The following PPP2R5D variants were observed in gnomAD, a reference collection of about 807,000 sequenced individuals.
PPP2R5D encodes serine/threonine-protein phosphatase 2A 56 kDa regulatory subunit delta isoform.
In PPP2R5D, 12 loss-of-function variants were observed where a neutral mutation model predicts 79.1. That is an observed-to-expected ratio of 0.15 (90% CI 0.10 to 0.25). PPP2R5D has a LOEUF of 0.25. Ranked by LOEUF, PPP2R5D falls within the 10% of genes least tolerant of loss-of-function variation. The pLI, the probability that PPP2R5D is intolerant of heterozygous loss-of-function variation, is 1.00. For synonymous variants in PPP2R5D, 277 were observed against 286.6 expected (o/e 0.97, Z 0.34); for missense variants, 419 against 760.2 (o/e 0.55, Z 5.28).
At chr6:42,998,008 G>A (rs1420460246) in intron 2 of PPP2R5D, among the ~76,000 whole-genome samples, 1 of 71,650 alleles carries the variant, frequency 1.4e-5, no homozygotes, top group African/African-American at 5.2e-5. Flanking sequence ...GAATATTTGG[G>A]TTTTATTTAT....
chr6:43,008,134 G>T lies in PPP2R5D; in HGVS notation c.858-67G>T. The T allele has an allele frequency of 1.9e-6, 3 of 1,613,814 alleles. No homozygotes were observed. Among genetic ancestry groups the T allele is most frequent in the East Asian group, 4.5e-5 (2 of 44,872 alleles). On this transcript the variant is annotated intron_variant, in intron 7 of 15. Coordinates refer to ENST00000485511, the MANE Select transcript of PPP2R5D (RefSeq NM_006245.4). The surrounding 1 kb of genome is among the most constrained non-coding windows in gnomAD (Gnocchi z 4.2). ...TGAGGTGGGGTGGGAGCAGGGAGGT[G>T]GGGGGACTGTACAGAATGCTGGAGG...
At chr6:42,998,011 T>TAATATATATATATATATATA (rs1189100610) in intron 2 of PPP2R5D, among the ~76,000 whole-genome samples, 2 of 72,590 alleles carry the variant, frequency 2.8e-5, no homozygotes, top group African/African-American at 1.7e-4. Flanking sequence ...TATTTGGGTT[T>TAATATATATATATATATATA]TATTTATATA....
rs1050417805 is a variant in PPP2R5D, at chr6:43,006,780, C to T, written c.322+101C>T. On this transcript the variant is annotated intron_variant, in intron 3 of 15. Transcript: ENST00000485511. This position sits in a 1 kb window ranked among gnomAD's most constrained non-coding sequence, Gnocchi z 4.7. ...GGGTATTTTGCGGGGAAGGGAGTTCCAGAGAATGCGGGAAGGGGGTGCCAG... is the reference window on the plus strand; with the variant it reads ...GGGTATTTTGCGGGGAAGGGAGTTCTAGAGAATGCGGGAAGGGGGTGCCAG... The T allele has an allele frequency of 1.9e-6, 3 of 1,574,162 alleles. No individual in the cohort carries two copies. The highest frequency in any genetic ancestry group is 2.7e-5 in the African/African-American group (2 of 74,042).
In PPP2R5D at chr6:42,986,869, G is replaced by A. The variant is rs771712620; in HGVS notation, c.27+2165G>A. On this transcript the variant is annotated intron_variant, in intron 1 of 15. Coordinates refer to ENST00000485511, the MANE Select transcript of PPP2R5D (RefSeq NM_006245.4). ...GAAAGGGTGTTGGAAGTAACGGGGT[G>A]CATGGAGCCAGGCATAACTCTCACC... 2.0e-5 allele frequency among the ~76,000 whole-genome samples: 3 copies of A among 151,884 alleles called. No individual in the cohort carries two copies. The Admixed American group carries it at 2.0e-4, about 10-fold the overall frequency.
At chr6:42,995,536 C>T (rs1044680412) in intron 2 of PPP2R5D, among the ~76,000 whole-genome samples, 1 of 150,034 alleles carries the variant, frequency 6.7e-6, no homozygotes, top group Non-Finnish European at 1.5e-5. Flanking sequence ...TCTTTTTTTG[C>T]CTATTAAACT....
intron 1 of PPP2R5D, among the ~76,000 whole-genome samples, chr6:42,988,158 TC>T (rs1370285935): frequency 6.6e-6 from 1 of 152,166 alleles, no homozygotes; most frequent in Non-Finnish European, 1.5e-5. Flanking sequence ...CACAGAGCTC[TC>T]TTCTCCCTGA....
intron 2 of PPP2R5D, among the ~76,000 whole-genome samples, chr6:42,998,471 G>C (rs544428530): frequency 6.6e-6 from 1 of 152,098 alleles, no homozygotes; most frequent in Admixed American, 6.6e-5. Context: ...TATGAGTGTC[G>C]TGTGGAAATT....
Position 43,010,263 on chromosome 6 carries a change from G to A in PPP2R5D, c.1380-205G>A, listed in dbSNP as rs536918107. 6.6e-6 allele frequency among the ~76,000 whole-genome samples: 1 copy of A among 152,236 alleles called. No individual in the cohort carries two copies. The highest frequency in any genetic ancestry group is 1.9e-4 in the East Asian group (1 of 5,184). ...TGAGGGAAGGATGGACAGGTGGACC[G>A]ATATTTGTGAAAACCATGAAATGCC... On this transcript the variant is annotated intron_variant, in intron 12 of 15. Transcript: ENST00000485511. The surrounding 1 kb of genome is among the most constrained non-coding windows in gnomAD (Gnocchi z 4.7).
rs1364496467 is a variant in PPP2R5D, at chr6:43,010,883, T to C, written c.1557T>C (p.Tyr519=). The C allele has an allele frequency of 6.2e-7, 1 of 1,612,618 alleles. No homozygotes were observed. Among genetic ancestry groups the C allele is most frequent in the Admixed American group, 1.7e-5 (1 of 59,872 alleles). The change falls in exon 15 of 16, where the codon TAT becomes TAC. Residue 519 remains tyrosine (Y), a splice_region_variant and synonymous_variant. Transcript: ENST00000485511. This position sits in a 1 kb window ranked among gnomAD's most constrained non-coding sequence, Gnocchi z 4.7. ...IEELARLNPQ[Y]PMFRAPPPLP... ...CTTGTCCATGTCTCCTCACTCAGTA[T>C]CCCATGTTCCGAGCCCCTCCACCAC...
chr6:42,984,806 TCCAGCCCCCGCAGGACTCCTGGGG>T, intron 1 of PPP2R5D, 102 bp downstream of exon 1: 1 of 1,532,560 alleles, frequency 6.5e-7, no homozygotes, highest in African/African-American at 1.4e-5. Flanking sequence ...GACCCTCCCG[TCCAGCCCCCGCAGGACTCCTGGGG>T]CCAGCCCTCC....
At chr6:42,990,228 A>G (rs1401237743) in intron 2 of PPP2R5D, among the ~76,000 whole-genome samples, 7 of 152,234 alleles carry the variant, frequency 4.6e-5, no homozygotes, top group Non-Finnish European at 1.0e-4. Context: ...AGAGAACACC[A>G]GAAGAGGGAG....
chr6:43,009,274 T>A lies in PPP2R5D; in HGVS notation c.1251+47T>A. The A allele has an allele frequency of 6.2e-7, 1 of 1,613,350 alleles. No individual in the cohort carries two copies. Among genetic ancestry groups the A allele is most frequent in the East Asian group, 2.2e-5 (1 of 44,852 alleles). The stretch of plus-strand genomic sequence containing the variant: ...TCCTAGCCCCTGCCAGAAACTGAGG[T>A]CTTGAGTGAAATGAGCAGCACCCAC... On this transcript the variant is annotated intron_variant, in intron 11 of 15. Transcript: ENST00000485511. This position sits in a 1 kb window ranked among gnomAD's most constrained non-coding sequence, Gnocchi z 5.6.
At position 42,989,676 on chromosome 6, in the gene PPP2R5D, G is replaced by A; in HGVS notation, c.93G>A (p.Glu31=). 6.2e-7 allele frequency: 1 copy of A among 1,613,668 alleles called. No homozygotes were observed. Among genetic ancestry groups the A allele is most frequent in the Non-Finnish European group, 8.5e-7 (1 of 1,179,686 alleles). ...GCTCGGGCAAGGATGGTGGAGGCGA[G>A]AACACTGAGGAGGTAATGAATGTAG... The part of the protein sequence containing the change: ...PSSSGKDGGG[E]NTEEAQPQPQ... Residue 31 remains glutamate, a synonymous_variant, in exon 2 of 16, where the codon GAG becomes GAA. Coordinates refer to ENST00000485511, the MANE Select transcript of PPP2R5D (RefSeq NM_006245.4).
At chr6:42,990,847 T>A (rs1474925700) in intron 2 of PPP2R5D, among the ~76,000 whole-genome samples, 2 of 151,732 alleles carry the variant, frequency 1.3e-5, no homozygotes, top group African/African-American at 4.8e-5. Context: ...GTAGCTGGGA[T>A]TACAGGCGCA....
At position 43,008,814 on chromosome 6, in the gene PPP2R5D, TG is replaced by T. The variant is rs1383571045; in HGVS notation, c.1080+73del. 6.5e-7 allele frequency: 1 copy of T among 1,536,060 alleles called. No individual in the cohort carries two copies. On this transcript the variant is annotated intron_variant, in intron 10 of 15. Transcript: ENST00000485511. The surrounding 1 kb of genome is among the most constrained non-coding windows in gnomAD (Gnocchi z 4.2). ...GCATCACTTGCCAGTCTGTACCTAC[TG>T]GGGGTGCCATAAGGGGGAACTCAGG...
intron 2 of PPP2R5D, among the ~76,000 whole-genome samples, chr6:42,998,601 A>G (rs1771956291): frequency 6.6e-6 from 1 of 152,134 alleles, no homozygotes; most frequent in Non-Finnish European, 1.5e-5. Context: ...GCCTCTATGG[A>G]GTCCCAGAAG....
At chr6:42,989,585 A>G (rs370215239) in intron 1 of PPP2R5D, 26 bp from the exon 2 acceptor site, 53 of 1,583,634 alleles carry the variant, frequency 3.3e-5, no homozygotes, top group Non-Finnish European at 4.2e-5. Context: ...GCATCTGCTA[A>G]CTTTACTTTC....
chr6:43,011,939 A>T lies in PPP2R5D; in HGVS notation c.*653A>T, dbSNP rs1762369563. On this transcript the variant is annotated 3_prime_UTR_variant, in exon 16 of 16. Coordinates refer to ENST00000485511, the MANE Select transcript of PPP2R5D (RefSeq NM_006245.4). Reference sequence around the variant, plus strand: ...ATGGACCAAGTGGGGCCGGGGAGGGATGAATAAACACCCTACCCCGTGCCC... The same window carrying T: ...ATGGACCAAGTGGGGCCGGGGAGGGTTGAATAAACACCCTACCCCGTGCCC... 6.5e-6 allele frequency: 1 copy of T among 155,010 alleles called. No homozygotes were observed. Among genetic ancestry groups the T allele is most frequent in the Admixed American group, 6.4e-5 (1 of 15,518 alleles). 9.6% of individuals were successfully genotyped at this position (155,010 alleles called of 1,614,324 possible). A position where few individuals can be genotyped will look rare whatever the true frequency, so the allele number is the denominator to read the frequency against.
chr6:42,991,983 T>C (rs915360458), intron 2 of PPP2R5D, among the ~76,000 whole-genome samples: 102 of 152,256 alleles, frequency 6.7e-4, no homozygotes, highest in African/African-American at 2.3e-3. Flanking sequence ...CCACGTCTGG[T>C]ATGGCAGGGG....
Sources: allele counts gnomAD v4.1 joint callset (sites outside exome capture counted in the v4.1 genomes callset), GRCh38; gene constraint gnomAD v4.1.1; non-coding constraint Gnocchi (gnomAD v3.1); transcripts MANE v1.5; gene names NCBI Gene and HGNC (gene_info 2026-07-23, HGNC 2026-07-21).